ACO2: variants seen among roughly 807,000 people sequenced by gnomAD.
ACO2 encodes the protein aconitate hydratase, mitochondrial.
A neutral mutation model predicts 84.5 loss-of-function variants in ACO2; 31 were observed. The ratio of observed to expected loss-of-function variants is 0.37; its 90% confidence interval spans 0.28 to 0.50. The LOEUF is 0.50. ACO2 is among the 20% of genes least tolerant of loss of function. The probability of loss-of-function intolerance (pLI) is 0.97; values close to 1 mark genes in which losing one functional copy is unlikely to be tolerated. For missense variants in ACO2, 685 were observed against 1,029.3 expected (o/e 0.67, Z 4.58); for synonymous variants, 414 against 412.7 (o/e 1.00, Z -0.04).
At chr22:41,470,931 T>C (rs1601871969) in intron 1 of ACO2, among the ~76,000 whole-genome samples, 1 of 152,200 alleles carries the variant, frequency 6.6e-6, no homozygotes, top group African/African-American at 2.4e-5. Flanking sequence ...GCAAGATTAT[T>C]TGATAAGATA....
At chr22:41,470,528 C>CTTTTTTTTTT (rs71184811) in intron 1 of ACO2, among the ~76,000 whole-genome samples, 14 of 95,858 alleles carry the variant, frequency 1.5e-4, no homozygotes, top group East Asian at 2.6e-4. Context: ...CTCTTTACAT[C>CTTTTTTTTTT]TTTTTTTTTT....
Position 41,527,340 on chromosome 22 carries a change from C to T in ACO2, c.2006C>T (p.Ser669Leu), listed in dbSNP as rs764832926. The change falls in exon 16 of 18, where the codon TCG becomes TTG. Residue 669 changes from serine to leucine, a missense_variant. Around this residue, in one of 5 missense-constraint regions of ACO2, gnomAD observed 174 missense variants for 236.6 expected, o/e 0.74. Transcript: ENST00000216254. ...VIGDENYGEG[S>L]SREHAALEPR... The stretch of plus-strand genomic sequence containing the variant: ...GGAGACGAGAACTACGGCGAGGGCT[C>T]GAGCCGGGAGCATGCAGCTCTGGAG... 1.2e-6 allele frequency: 2 copies of T among 1,614,042 alleles called. No individual in the cohort carries two copies. The highest frequency in any genetic ancestry group is 1.7e-6 in the Non-Finnish European group (2 of 1,179,996).
rs1374984302 is a variant in ACO2, at chr22:41,525,231, C to G, written c.1644C>G (p.Pro548=). The change falls in exon 14 of 18, where the codon CCC becomes CCG. Residue 548 remains proline, a synonymous_variant. Transcript: ENST00000216254. Reference sequence around the variant, plus strand: ...GGCAGGACACCTACCAGCACCCACCCAAGGACAGCAGCGGGCAGCATGTGG... The same window carrying G: ...GGCAGGACACCTACCAGCACCCACCGAAGGACAGCAGCGGGCAGCATGTGG... ...DPGQDTYQHP[P]KDSSGQHVDV... 1 of 1,614,120 alleles carries G rather than the reference C, an allele frequency of 6.2e-7. No homozygotes were observed. The highest frequency in any genetic ancestry group is 1.1e-5 in the South Asian group (1 of 91,086).
At chr22:41,469,502 C>G (rs1175193662) in intron 1 of ACO2, 1 of 346,500 alleles carries the variant, frequency 2.9e-6, no homozygotes. Context: ...TGTTTCCATT[C>G]CTCAAGGTGA....
At chr22:41,474,687 C>T (rs1305613080) in intron 1 of ACO2, among the ~76,000 whole-genome samples, 7 of 137,628 alleles carry the variant, frequency 5.1e-5, no homozygotes, top group African/African-American at 8.1e-5. Context: ...CAAGCTCCGC[C>T]TCCCAGGTTC....
chr22:41,518,642 A>T, intron 8 of ACO2, 70 bp downstream of exon 8: 1 of 1,228,276 alleles, frequency 8.1e-7, no homozygotes, highest in Non-Finnish European at 1.2e-6. Flanking sequence ...TCCTGCCTAA[A>T]TACTCACTGA....
intron 1 of ACO2, among the ~76,000 whole-genome samples, chr22:41,491,592 A>G (rs1011198008): frequency 1.3e-5 from 2 of 152,220 alleles, no homozygotes; most frequent in African/African-American, 4.8e-5. Context: ...CTGCAGTAAG[A>G]AAAATAAGAA....
At chr22:41,506,390 C>G (rs1176615607) in intron 2 of ACO2, among the ~76,000 whole-genome samples, 1 of 151,990 alleles carries the variant, frequency 6.6e-6, no homozygotes, top group East Asian at 1.9e-4. Flanking sequence ...GTAGCTGGGA[C>G]TACAGGCGCC....
intron 13 of ACO2, 95 bp from the exon 14 acceptor site, chr22:41,525,098 G>T (rs1464792335): frequency 3.8e-6 from 6 of 1,594,030 alleles, no homozygotes; most frequent in Non-Finnish European, 5.1e-6. Context: ...TTCCCTGGGA[G>T]GGGAGGTGGG....
chr22:41,514,209 G>A (rs1314187026), intron 4 of ACO2, among the ~76,000 whole-genome samples: 3 of 152,154 alleles, frequency 2.0e-5, no homozygotes, highest in African/African-American at 7.2e-5. Flanking sequence ...TGGGAGCACT[G>A]GTGGGTCCTG....
intron 1 of ACO2, among the ~76,000 whole-genome samples, chr22:41,484,642 G>T (rs1601885360): frequency 6.6e-6 from 1 of 151,870 alleles, no homozygotes; most frequent in East Asian, 1.9e-4. Flanking sequence ...CTCTCAAAGT[G>T]CTGGAATTAC....
chr22:41,523,159 G>C (rs2066540750), intron 10 of ACO2, 46 bp from the exon 11 acceptor site: 2 of 1,576,092 alleles, frequency 1.3e-6, no homozygotes, highest in Non-Finnish European at 1.7e-6. Context: ...CTTCCCATCA[G>C]ACTCTCACCC....
chr22:41,521,638 A>G (rs1222513789), intron 9 of ACO2: 1 of 152,232 alleles, frequency 6.6e-6, no homozygotes, highest in African/African-American at 2.4e-5. Flanking sequence ...TAAGGGCAAT[A>G]TAATGTGTTC....
At chr22:41,523,340 T>TG in intron 11 of ACO2, 62 bp downstream of exon 11, 1 of 1,336,166 alleles carries the variant, frequency 7.5e-7, no homozygotes, top group South Asian at 1.3e-5. Flanking sequence ...CCCCAGAAGT[T>TG]GGAGGGGGAA....
At chr22:41,491,294 C>T (rs2066269892) in intron 1 of ACO2, among the ~76,000 whole-genome samples, 2 of 152,056 alleles carry the variant, frequency 1.3e-5, no homozygotes, top group Admixed American at 6.6e-5. Flanking sequence ...TAGATGAGAT[C>T]CCACTGCCAG....
chr22:41,492,892 C>G (rs745418200), intron 1 of ACO2, among the ~76,000 whole-genome samples: 6 of 152,088 alleles, frequency 3.9e-5, no homozygotes, highest in Non-Finnish European at 8.8e-5. Flanking sequence ...TGCAGTGAGA[C>G]GAGATAGCGC....
intron 1 of ACO2, chr22:41,469,486 G>A (rs1292785355): frequency 5.2e-6 from 2 of 386,584 alleles, no homozygotes; most frequent in Non-Finnish European, 9.4e-6. Flanking sequence ...CTGCTCCCGT[G>A]GGGTGTGTTT....
At chr22:41,488,657 A>C (rs1411713974) in intron 1 of ACO2, among the ~76,000 whole-genome samples, 1 of 152,106 alleles carries the variant, frequency 6.6e-6, no homozygotes, top group Admixed American at 6.5e-5. Flanking sequence ...TTGCTTCCTT[A>C]CCTGCATGTA....
At chr22:41,469,320 A>G (rs556430274) in intron 1 of ACO2, 138 bp downstream of exon 1, 74 of 1,048,072 alleles carry the variant, frequency 7.1e-5, no homozygotes, top group Non-Finnish European at 9.2e-5. Flanking sequence ...TGGGCCCGGC[A>G]CCCGTGCCCG....
Sources: allele counts gnomAD v4.1 joint callset (sites outside exome capture counted in the v4.1 genomes callset), GRCh38; gene constraint gnomAD v4.1.1; regional missense constraint gnomAD v4.1.1; transcripts MANE v1.5; gene names NCBI Gene and HGNC (gene_info 2026-07-23, HGNC 2026-07-21).